Variants in PLCD1 observed in about 807,000 individuals in gnomAD.
The protein encoded by PLCD1 is 1-phosphatidylinositol 4,5-bisphosphate phosphodiesterase delta-1.
PLCD1 carries 71 observed loss-of-function variants against 87.4 expected under a neutral mutation model. That is an observed-to-expected ratio of 0.81 (90% CI 0.67 to 0.99). The LOEUF is 0.99. PLCD1 is among the 50% of genes least tolerant of loss of function. PLCD1 has a pLI of 0.00. For missense variants in PLCD1, 867 were observed against 1,001.5 expected (o/e 0.87, Z 1.81); for synonymous variants, 348 against 399.2 (o/e 0.87, Z 1.53).
chr3:38,009,673 G>A lies in PLCD1; in HGVS notation c.1426C>T (p.Arg476Cys), dbSNP rs115555466. The change falls in exon 9 of 15, where the codon CGT becomes TGT. Residue 476 changes from arginine (R) to cysteine (C), a missense_variant. Coordinates refer to ENST00000334661, the MANE Select transcript of PLCD1 (RefSeq NM_006225.4). ...CAAACCTTGGGCTTGTGCTGCACACGGCTCCTCACTGCCTCATCCTCCATC... is the reference window on the plus strand; with the variant it reads ...CAAACCTTGGGCTTGTGCTGCACACAGCTCCTCACTGCCTCATCCTCCATC... ...AEMEDEAVRS[R>C]VQHKPKEDKL... is the part of the protein sequence containing the mutation. 1.7e-5 allele frequency: 28 copies of A among 1,614,108 alleles called. No individual in the cohort carries two copies. Among genetic ancestry groups the A allele is most frequent in the South Asian group, 3.3e-5 (3 of 91,080 alleles).
intron 3 of PLCD1, among the ~76,000 whole-genome samples, chr3:38,013,737 G>A (rs1422600517): frequency 1.3e-5 from 2 of 152,224 alleles, no homozygotes; most frequent in Non-Finnish European, 2.9e-5. Context: ...GAGGGCATGA[G>A]ACTGTCCAAG....
Position 38,011,597 on chromosome 3 carries a change from G to T in PLCD1, c.505C>A (p.Leu169Met), listed in dbSNP as rs1177462854. The T allele has an allele frequency of 6.2e-7, 1 of 1,614,206 alleles. No individual in the cohort carries two copies. The highest frequency in any genetic ancestry group is 8.5e-7 in the Non-Finnish European group (1 of 1,179,996). ...KMSFKELQNF[L>M]KELNIQVDDS... ...TCCACCTGGATGTTGAGCTCCTTCA[G>T]GAAGTTCTGCAGCTCCTTGAAGCTC... Residue 169 changes from leucine (L) to methionine (M), a missense_variant, in exon 4 of 15, where the codon CTG (leucine) becomes ATG (methionine). By Grantham distance (15) the Leu-to-Met change is conservative. Coordinates refer to ENST00000334661, the MANE Select transcript of PLCD1 (RefSeq NM_006225.4).
intron 1 of PLCD1, among the ~76,000 whole-genome samples, chr3:38,022,511 C>G (rs1233714682): frequency 6.6e-6 from 1 of 152,214 alleles, no homozygotes; most frequent in Non-Finnish European, 1.5e-5. Context: ...GGGAATGGAG[C>G]TGGGAGCCAG....
At chr3:38,022,745 C>T (rs1232447166) in intron 1 of PLCD1, among the ~76,000 whole-genome samples, 1 of 152,066 alleles carries the variant, frequency 6.6e-6, no homozygotes, top group Non-Finnish European at 1.5e-5. Flanking sequence ...TGGGCAGGTG[C>T]CCTCATCTCT....
At chr3:38,009,617 G>A in intron 9 of PLCD1, 36 bp downstream of exon 9, 1 of 1,612,668 alleles carries the variant, frequency 6.2e-7, no homozygotes, top group Non-Finnish European at 8.5e-7. Context: ...GATGGGGAAG[G>A]CCCGGGCTGC....
chr3:38,029,168 C>T (rs1298927292), intron 1 of PLCD1, among the ~76,000 whole-genome samples: 1 of 152,268 alleles, frequency 6.6e-6, no homozygotes, highest in Non-Finnish European at 1.5e-5. Context: ...CTTCCTTCGC[C>T]GCCCCTCCGT....
chr3:38,011,152 G>T, intron 5 of PLCD1, 62 bp downstream of exon 5: 1 of 1,341,020 alleles, frequency 7.5e-7, no homozygotes, highest in South Asian at 1.2e-5. Flanking sequence ...AGTCTCCCCA[G>T]GGGTCTCCCA....
In PLCD1 at chr3:38,007,946, G is replaced by GC. The variant is rs756265277; in HGVS notation, c.2185+67dup. ...GGGTGGATGCGTCAAGGGACAGCCA[G>GC]CCCCAGCCCAAGAGACGCCAGGCCC... On this transcript the variant is annotated intron_variant, in intron 14 of 14. Transcript: ENST00000334661. 230 of 1,607,852 alleles carry GC rather than the reference G, an allele frequency of 1.4e-4. 1 individual carries two copies. The Admixed American group carries it at 1.6e-3, about 11-fold the overall frequency.
Position 38,011,221 on chromosome 3 carries a change from G to T in PLCD1, c.783C>A (p.Ser261Arg), listed in dbSNP as rs553113964. 5 of 1,607,706 alleles carry T rather than the reference G, an allele frequency of 3.1e-6. No individual in the cohort carries two copies. The East Asian group carries it at 6.7e-5, about 22-fold the overall frequency. Residue 261 changes from serine to arginine, a missense_variant, in exon 5 of 15, where the codon AGC (serine) becomes AGA (arginine). Ser to Arg is a moderately radical substitution (Grantham distance 110, BLOSUM62 -1). Coordinates refer to ENST00000334661, the MANE Select transcript of PLCD1 (RefSeq NM_006225.4). ...ALSLIERYEP[S>R]ETAKAQRQMT... ...CCCTGGTCAGGCTCTCACCAGTCTC[G>T]CTGGGCTCGTAGCGCTCAATGAGGG...
intron 3 of PLCD1, chr3:38,014,535 C>T (rs746190726): frequency 6.5e-6 from 1 of 153,602 alleles, no homozygotes; most frequent in Non-Finnish European, 1.5e-5. Flanking sequence ...TTCATCAAAA[C>T]CAAAAACTTT....
chr3:38,027,779 T>G (rs2125553045), intron 1 of PLCD1, among the ~76,000 whole-genome samples: 1 of 152,340 alleles, frequency 6.6e-6, no homozygotes, highest in Admixed American at 6.5e-5. Flanking sequence ...GATCACCCCC[T>G]CCCACCAACA....
chr3:38,012,885 A>G (rs955719287), intron 3 of PLCD1, among the ~76,000 whole-genome samples: 20 of 150,618 alleles, frequency 1.3e-4, no homozygotes, highest in African/African-American at 4.9e-4. Context: ...TCCTCCTAAT[A>G]TTTTTTTCTG....
intron 1 of PLCD1, among the ~76,000 whole-genome samples, chr3:38,026,808 C>T (rs911428862): frequency 2.0e-5 from 3 of 152,244 alleles, no homozygotes; most frequent in African/African-American, 7.2e-5. Flanking sequence ...GTTCACAACA[C>T]CCACTGTGAA....
chr3:38,027,989 G>A (rs1700325979), intron 1 of PLCD1, among the ~76,000 whole-genome samples: 1 of 152,228 alleles, frequency 6.6e-6, no homozygotes, highest in Non-Finnish European at 1.5e-5. Flanking sequence ...GGGTGGGCCA[G>A]GGCAGCCAAG....
At chr3:38,023,965 G>T (rs761043646) in intron 1 of PLCD1, among the ~76,000 whole-genome samples, 2 of 148,706 alleles carry the variant, frequency 1.3e-5, no homozygotes, top group Non-Finnish European at 3.0e-5. Flanking sequence ...TCACATACAG[G>T]CACACTTTTG....
chr3:38,013,208 C>CTTTT (rs869279889), intron 3 of PLCD1, among the ~76,000 whole-genome samples: 1 of 118,504 alleles, frequency 8.4e-6, no homozygotes, highest in African/African-American at 3.2e-5. Context: ...TTTTAATTTT[C>CTTTT]TTTTTTTTTT....
At chr3:38,014,796 G>A (rs1211872744) in intron 3 of PLCD1, 3 of 152,182 alleles carry the variant, frequency 2.0e-5, no homozygotes, top group African/African-American at 7.2e-5. Context: ...AAAGACAAAT[G>A]ATCCAAAAAA....
At chr3:38,012,516 GTTT>G (rs1207854387) in intron 3 of PLCD1, among the ~76,000 whole-genome samples, 4 of 134,636 alleles carry the variant, frequency 3.0e-5, no homozygotes, top group Non-Finnish European at 3.2e-5. Flanking sequence ...TTAGAATGAA[GTTT>G]TTTTTTTTTT....
At chr3:38,024,221 T>G in intron 1 of PLCD1, 3 of 866,340 alleles carry the variant, frequency 3.5e-6, no homozygotes, top group Non-Finnish European at 5.5e-6. Context: ...GTACTAAACA[T>G]GTCCAATTAA....
Sources: allele counts gnomAD v4.1 joint callset (sites outside exome capture counted in the v4.1 genomes callset), GRCh38; gene constraint gnomAD v4.1.1; transcripts MANE v1.5; gene names NCBI Gene and HGNC (gene_info 2026-07-23, HGNC 2026-07-21).